Variants in URB1 observed in about 807,000 individuals in gnomAD.
URB1 encodes the protein URB1 ribosome biogenesis factor.
Under a neutral mutation model 242.3 loss-of-function variants are expected in URB1, and 197 were observed. The observed-to-expected ratio is 0.81, with a 90% CI of 0.72 to 0.91. The LOEUF (loss-of-function observed/expected upper bound fraction) is 0.91. URB1 is among the 40% of genes least tolerant of loss of function. URB1 has a pLI of 0.00. For missense variants in URB1, 2,721 were observed against 2,860.5 expected (o/e 0.95, Z 1.11); for synonymous variants, 1,153 against 1,201.8 (o/e 0.96, Z 0.84).
chr21:32,390,968 A>C (rs2033630996), intron 1 of URB1, among the ~76,000 whole-genome samples: 1 of 152,210 alleles, frequency 6.6e-6, no homozygotes, highest in Non-Finnish European at 1.5e-5. Context: ...GAACCAACCC[A>C]AATGTCCAAC....
chr21:32,316,407 G>GC, intron 38 of URB1, 59 bp downstream of exon 38: 1 of 1,455,504 alleles, frequency 6.9e-7, no homozygotes, highest in South Asian at 1.5e-5. Context: ...AATCACTCCT[G>GC]CCCCCAGGCC....
At position 32,354,112 on chromosome 21, in the gene URB1, G is replaced by A. The variant is rs1441934390; in HGVS notation, c.2246-9C>T. 6.4e-7 allele frequency: 1 copy of A among 1,551,560 alleles called. No individual in the cohort carries two copies. The highest frequency in any genetic ancestry group is 2.4e-5 in the East Asian group (1 of 40,916). Reference sequence around the variant, plus strand: ...CACCATGTCGAGAACATCTGAGACAGAAAGAGGAGAATCCAGCTGATGTGA... The same window carrying A: ...CACCATGTCGAGAACATCTGAGACAAAAAGAGGAGAATCCAGCTGATGTGA... On this transcript the variant is annotated splice_polypyrimidine_tract_variant and intron_variant, in intron 17 of 38. Transcript: ENST00000382751.
chr21:32,369,557 T>A (rs530032558), intron 8 of URB1, among the ~76,000 whole-genome samples: 84 of 152,246 alleles, frequency 5.5e-4, no homozygotes, highest in African/African-American at 1.9e-3. Context: ...ATTCCTGGGT[T>A]CAAGTGACCC....
rs886434084 is a variant in URB1, at chr21:32,361,052, G to C, written c.1711C>G (p.His571Asp). The change falls in exon 13 of 39, where the codon CAC (histidine) becomes GAC (aspartate). Residue 571 changes from histidine to aspartate, a missense_variant. By Grantham distance (81) the His-to-Asp change is moderately conservative. Coordinates refer to ENST00000382751, the MANE Select transcript of URB1 (RefSeq NM_014825.3). ...VICLYQKVVP[H>D]VVMQYNFDFS... ...TCAAAGTTGTACTGCATGACCACGT[G>C]GGGGACCACCTTCTGGTAGAGGCAT... The C allele has an allele frequency of 3.9e-6, 6 of 1,551,134 alleles. No homozygotes were observed. The highest frequency in any genetic ancestry group is 2.0e-5 in the Admixed American group (1 of 50,914).
chr21:32,349,311 T>A lies in URB1; in HGVS notation c.3005A>T (p.Asn1002Ile), dbSNP rs527393389. ...MESVASLELA[N>I]DQTLEEVLVA... ...GGCAACCTGTGGCGGTACCTGATCA[T>A]TGGCCAACTCCAGCGAGGCCACGGA... The change falls in exon 21 of 39, where the codon AAT becomes ATT. Residue 1002 changes from asparagine to isoleucine, a missense_variant. Physicochemically the swap from Asn to Ile is moderately radical, Grantham distance 149. Transcript: ENST00000382751. 7.0e-5 allele frequency: 108 copies of A among 1,542,264 alleles called. 1 individual carries two copies. The Admixed American group carries it at 1.7e-3, about 24-fold the overall frequency.
Position 32,347,614 on chromosome 21 carries a change from G to A in URB1, c.3210C>T (p.Gly1070=). ...TGGCCTCTGAGTACCTGGCCAGAAG[G>A]CCCAGCTGCCCAATGTTCTGGAGGA... ...APILQNIGQL[G]LLARYSEAIT... is the part of the protein sequence containing the mutation. Residue 1070 remains glycine (G), a synonymous_variant, in exon 22 of 39, where the codon GGC becomes GGT. Coordinates refer to ENST00000382751, the MANE Select transcript of URB1 (RefSeq NM_014825.3). The A allele has an allele frequency of 1.3e-6, 2 of 1,551,598 alleles. No individual in the cohort carries two copies. Among genetic ancestry groups the A allele is most frequent in the Non-Finnish European group, 1.7e-6 (2 of 1,146,960 alleles).
Position 32,322,521 on chromosome 21 carries a change from T to C in URB1, c.5297A>G (p.Lys1766Arg). 6.4e-7 allele frequency: 1 copy of C among 1,552,296 alleles called. No individual in the cohort carries two copies. Among genetic ancestry groups the C allele is most frequent in the Non-Finnish European group, 8.7e-7 (1 of 1,147,114 alleles). The change falls in exon 33 of 39, where the codon AAA becomes AGA. Residue 1766 changes from lysine (K) to arginine (R), a missense_variant. By Grantham distance (26) the Lys-to-Arg change is conservative (BLOSUM62 2). Transcript: ENST00000382751. ...GAAGAACTGGTAGAAGCCTGGCACT[T>C]TGTCCATGTTCAAGTACTCATGCGA... is the stretch of plus-strand genomic sequence containing the variant. Reference protein sequence around the residue: ...LLSHEYLNMDKVPGFYQFFYS... With the variant: ...LLSHEYLNMDRVPGFYQFFYS...
In URB1 at chr21:32,372,464, G is replaced by C; in HGVS notation, c.1001+43C>G. 5 of 1,540,532 alleles carry C rather than the reference G, an allele frequency of 3.2e-6. No homozygotes were observed. In the South Asian group the frequency reaches 4.8e-5, roughly 15 times the overall value. On this transcript the variant is annotated intron_variant, in intron 8 of 38. Transcript: ENST00000382751. ...CACTCACATATGTGGTGACTTCTGAGGAACATACACACCCTGGGGTCCACA... is the reference window on the plus strand; with the variant it reads ...CACTCACATATGTGGTGACTTCTGACGAACATACACACCCTGGGGTCCACA...
chr21:32,381,114 CT>C (rs2033519753), intron 4 of URB1, among the ~76,000 whole-genome samples: 1 of 152,238 alleles, frequency 6.6e-6, no homozygotes, highest in Non-Finnish European at 1.5e-5. Flanking sequence ...TCGTGGCCCC[CT>C]GGGGCTCCAT....
intron 36 of URB1, among the ~76,000 whole-genome samples, chr21:32,318,592 C>A (rs2032722612): frequency 6.6e-6 from 1 of 152,210 alleles, no homozygotes; most frequent in African/African-American, 2.4e-5. Flanking sequence ...AGATTACAAT[C>A]CTCTTGCTAC....
intron 1 of URB1, among the ~76,000 whole-genome samples, chr21:32,389,639 G>A (rs1027105331): frequency 5.3e-5 from 8 of 152,234 alleles, no homozygotes; most frequent in Admixed American, 5.2e-4. Flanking sequence ...GAGGGTTCTG[G>A]CAGGAACATC....
In URB1 at chr21:32,392,834, C is replaced by T; in HGVS notation, c.77G>A (p.Arg26His). The change falls in exon 1 of 39, where the codon CGC becomes CAC. Residue 26 changes from arginine to histidine, a missense_variant. Physicochemically the swap from Arg to His is conservative, Grantham distance 29. Coordinates refer to ENST00000382751, the MANE Select transcript of URB1 (RefSeq NM_014825.3). ...CCGCACGCCCGTGAGCTCTTCTTTG[C>T]GGGCGCGCTTGGCTGCACCCGCGGA... ...ASSAGAAKRA[R>H]KEELTGVRFK... 1 of 1,532,690 alleles carries T rather than the reference C, an allele frequency of 6.5e-7. No individual in the cohort carries two copies. Among genetic ancestry groups the T allele is most frequent in the East Asian group, 2.5e-5 (1 of 40,608 alleles). 94.9% of individuals were successfully genotyped at this position (1,532,690 alleles called of 1,614,324 possible).
chr21:32,314,723 C>A lies in URB1; in HGVS notation c.*195G>T. 1 of 1,520,608 alleles carries A rather than the reference C, an allele frequency of 6.6e-7. No homozygotes were observed. The highest frequency in any genetic ancestry group is 9.1e-7 in the Non-Finnish European group (1 of 1,097,890). The allele number at this position is 1,520,608 out of a possible 1,614,324, so 94.2% of individuals were successfully genotyped here. A position where few individuals can be genotyped will look rare whatever the true frequency, so the allele number is the denominator to read the frequency against. The stretch of plus-strand genomic sequence containing the variant: ...TTGCAACTCTGATGCTGGGCACCTA[C>A]AGGCCCGAGTTTATCATTTACTGGG... On this transcript the variant is annotated 3_prime_UTR_variant, in exon 39 of 39. Transcript: ENST00000382751.
At chr21:32,380,600 T>C (rs1470714449) in intron 4 of URB1, among the ~76,000 whole-genome samples, 1 of 152,212 alleles carries the variant, frequency 6.6e-6, no homozygotes, top group Non-Finnish European at 1.5e-5. Flanking sequence ...TTTACCAAGA[T>C]GTTGTCCCTG....
rs1212594260 is a variant in URB1 at position 32,317,846 on chromosome 21, G to A, written c.5864C>T (p.Thr1955Ile). The A allele has an allele frequency of 6.4e-7, 1 of 1,551,924 alleles. No individual in the cohort carries two copies. Among genetic ancestry groups the A allele is most frequent in the Admixed American group, 2.0e-5 (1 of 51,010 alleles). ...TLDSVLRYRATVIQAFRDMNR... is the reference protein window; with the variant it reads ...TLDSVLRYRAIVIQAFRDMNR... ...CATGTCCCTAAAGGCCTGTATGACA[G>A]TGGCCCGGTACCTCAGCACGGAGTC... Residue 1955 changes from threonine to isoleucine, a missense_variant, in exon 37 of 39, where the codon ACT (threonine) becomes ATT (isoleucine). Physicochemically the swap from Thr to Ile is moderately conservative, Grantham distance 89. Coordinates refer to ENST00000382751, the MANE Select transcript of URB1 (RefSeq NM_014825.3).
At chr21:32,327,071 A>G (rs1325643504) in intron 30 of URB1, among the ~76,000 whole-genome samples, 1 of 152,224 alleles carries the variant, frequency 6.6e-6, no homozygotes, top group Non-Finnish European at 1.5e-5. Context: ...CTGACCAAAA[A>G]AAACTATAAA....
intron 4 of URB1, among the ~76,000 whole-genome samples, chr21:32,381,060 A>G (rs9983652): frequency 0.17 from 25,220 of 152,236 alleles, 3,041 homozygotes; most frequent in African/African-American, 0.34. Flanking sequence ...TAAGATCCCC[A>G]GGACACAGCA....
Position 32,345,354 on chromosome 21 carries a change from AC to A in URB1, c.4070+19del. On this transcript the variant is annotated intron_variant, in intron 23 of 38. Coordinates refer to ENST00000382751, the MANE Select transcript of URB1 (RefSeq NM_014825.3). Reference sequence around the variant, plus strand: ...GACACCGAGAGTGGAACATCCTGCAACCAACCTGAGCCTTCATACCTCTTGT... The same window carrying A: ...GACACCGAGAGTGGAACATCCTGCAACAACCTGAGCCTTCATACCTCTTGT... 1 of 1,547,940 alleles carries A rather than the reference AC, an allele frequency of 6.5e-7. No homozygotes were observed. The highest frequency in any genetic ancestry group is 8.7e-7 in the Non-Finnish European group (1 of 1,144,444).
intron 4 of URB1, among the ~76,000 whole-genome samples, chr21:32,379,276 T>A (rs2033495130): frequency 6.6e-6 from 1 of 152,234 alleles, no homozygotes; most frequent in Non-Finnish European, 1.5e-5. Flanking sequence ...TCTAAGGAAC[T>A]CAAGGCATGT....
Sources: allele counts gnomAD v4.1 joint callset (sites outside exome capture counted in the v4.1 genomes callset), GRCh38; gene constraint gnomAD v4.1.1; transcripts MANE v1.5; gene names NCBI Gene and HGNC (gene_info 2026-07-23, HGNC 2026-07-21).